Variants in DLGAP4 observed in about 807,000 individuals in gnomAD.
DLGAP4 encodes disks large-associated protein 4.
DLGAP4 carries 18 observed loss-of-function variants against 86.9 expected under a neutral mutation model. The ratio of observed to expected loss-of-function variants is 0.21; its 90% confidence interval spans 0.14 to 0.31. The LOEUF (loss-of-function observed/expected upper bound fraction) is 0.31. Among genes scored for constraint, DLGAP4 ranks in the 10% least tolerant of loss-of-function variants. The pLI is 1.00. For synonymous variants in DLGAP4, 548 were observed against 574.3 expected, an observed-to-expected ratio of 0.95 and a Z score of 0.65; for missense variants, 1,085 against 1,362.6, an observed-to-expected ratio of 0.80 and a Z score of 3.21.
At chr20:36,461,492 G>C (rs1431493882) in intron 7 of DLGAP4, 1 of 982,102 alleles carries the variant, frequency 1.0e-6, no homozygotes, top group Non-Finnish European at 1.2e-6. Flanking sequence ...CCTCGGGCCG[G>C]GCTGCGTGAG....
chr20:36,342,359 A>G (rs1488466646), intron 1 of DLGAP4, among the ~76,000 whole-genome samples: 2 of 152,202 alleles, frequency 1.3e-5, no homozygotes, highest in Admixed American at 1.3e-4. Context: ...TGGGGGCTGG[A>G]TAGACAGGGT....
chr20:36,361,632 G>A (rs149491771), intron 1 of DLGAP4, among the ~76,000 whole-genome samples: 84 of 152,214 alleles, frequency 5.5e-4, no homozygotes, highest in Non-Finnish European at 1.1e-3. Flanking sequence ...GCGACTCTGG[G>A]GGATCAAGGG....
At position 36,408,466 on chromosome 20, in the gene DLGAP4, TC is replaced by T. The variant is rs1291832104; in HGVS notation, c.-72-23178del. Among the ~76,000 whole-genome samples the T allele has an allele frequency of 2.0e-5, 3 of 152,194 alleles. No individual in the cohort carries two copies. The East Asian group carries it at 5.8e-4, about 29-fold the overall frequency. ...CCGCGGGCATCATCTCCCGGATATT[TC>T]CTGCTTGGCCCGTGTCCAAGCTGAG... On this transcript the variant is annotated intron_variant, in intron 2 of 12. Transcript: ENST00000339266.
intron 2 of DLGAP4, among the ~76,000 whole-genome samples, chr20:36,430,279 C>G (rs1196441902): frequency 6.6e-6 from 1 of 152,202 alleles, no homozygotes; most frequent in African/African-American, 2.4e-5. Context: ...TCTGAGAGCT[C>G]TATTCCAGGC....
In DLGAP4 at chr20:36,350,562, G is replaced by T. The variant is rs2030117245; in HGVS notation, c.-303-16483G>T. Among the ~76,000 whole-genome samples, 1 of 152,208 alleles carries T rather than the reference G, an allele frequency of 6.6e-6. No individual in the cohort carries two copies. Among genetic ancestry groups the T allele is most frequent in the South Asian group, 2.1e-4 (1 of 4,832 alleles). On this transcript the variant is annotated intron_variant, in intron 1 of 12. Coordinates refer to ENST00000339266, the MANE Select transcript of DLGAP4 (RefSeq NM_001365621.2). The surrounding 1 kb of genome is among the most constrained non-coding windows in gnomAD (Gnocchi z 4.4). ...GATAGTGTCCATCTGTCATTTCCCT[G>T]GGGTGAATCAGATGATACAATGGCT...
chr20:36,489,624 C>T (rs1250799709), intron 7 of DLGAP4, among the ~76,000 whole-genome samples: 3 of 151,912 alleles, frequency 2.0e-5, no homozygotes, highest in African/African-American at 7.3e-5. Context: ...TGATTGGATT[C>T]CTCAAATGGC....
chr20:36,439,943 A>G, intron 5 of DLGAP4, 75 bp downstream of exon 5: 1 of 1,323,324 alleles, frequency 7.6e-7, no homozygotes, highest in South Asian at 1.2e-5. Context: ...ACACACGCCC[A>G]GGCCCAGCCC....
In DLGAP4 at chr20:36,500,179, C is replaced by T. The variant is rs2036078073; in HGVS notation, c.2100-20C>T. The T allele has an allele frequency of 6.6e-7, 1 of 1,505,226 alleles. No homozygotes were observed. The highest frequency in any genetic ancestry group is 8.9e-7 in the Non-Finnish European group (1 of 1,122,404). 93.2% of individuals were successfully genotyped at this position (1,505,226 alleles called of 1,614,324 possible). A position where few individuals can be genotyped will look rare whatever the true frequency, so the allele number is the denominator to read the frequency against. ...GACTCACTCCTTCCTGTCCCCACCC[C>T]ATCCACCCCCTACCCACAGAAGCAG... On this transcript the variant is annotated intron_variant, in intron 9 of 12. Coordinates refer to ENST00000339266, the MANE Select transcript of DLGAP4 (RefSeq NM_001365621.2). The surrounding 1 kb of genome is among the most constrained non-coding windows in gnomAD (Gnocchi z 4.6).
chr20:36,417,786 G>T (rs1368507827), intron 2 of DLGAP4, among the ~76,000 whole-genome samples: 43 of 149,866 alleles, frequency 2.9e-4, no homozygotes, highest in Admixed American at 1.4e-3. Flanking sequence ...TTTTTTTTTT[G>T]TTGTTGTTGT....
chr20:36,390,184 C>T (rs151325079), intron 2 of DLGAP4, among the ~76,000 whole-genome samples: 14 of 152,364 alleles, frequency 9.2e-5, no homozygotes, highest in African/African-American at 3.1e-4. Context: ...CTGAGTAAGG[C>T]TCTGACCCCT....
At chr20:36,457,917 G>A (rs1326645954) in intron 7 of DLGAP4, among the ~76,000 whole-genome samples, 1 of 152,016 alleles carries the variant, frequency 6.6e-6, no homozygotes, top group East Asian at 1.9e-4. Flanking sequence ...ACAGGCATGA[G>A]CCACCACACC....
At chr20:36,386,629 G>C (rs564863382) in intron 2 of DLGAP4, among the ~76,000 whole-genome samples, 1 of 152,296 alleles carries the variant, frequency 6.6e-6, no homozygotes, top group African/African-American at 2.4e-5. Flanking sequence ...CTGTCATCCA[G>C]ACTAGAGTGC....
chr20:36,413,520 G>C (rs956874715), intron 2 of DLGAP4, among the ~76,000 whole-genome samples: 1 of 145,586 alleles, frequency 6.9e-6, no homozygotes, highest in Non-Finnish European at 1.5e-5. Flanking sequence ...TGGGTCAAGC[G>C]ATTCTTCTGC....
chr20:36,463,999 T>C (rs1436064091), intron 7 of DLGAP4, among the ~76,000 whole-genome samples: 1 of 152,248 alleles, frequency 6.6e-6, no homozygotes, highest in African/African-American at 2.4e-5. Context: ...ACTGTCATGC[T>C]GTTATCACCT....
intron 2 of DLGAP4, among the ~76,000 whole-genome samples, chr20:36,387,220 T>C (rs1370958696): frequency 6.6e-6 from 1 of 152,258 alleles, no homozygotes; most frequent in Non-Finnish European, 1.5e-5. Context: ...GCCAATCTGC[T>C]GGGAGAAAAT....
chr20:36,411,493 C>T (rs934563752), intron 2 of DLGAP4, among the ~76,000 whole-genome samples: 4 of 152,302 alleles, frequency 2.6e-5, no homozygotes, highest in Non-Finnish European at 4.4e-5. Flanking sequence ...CCGGTCTCCT[C>T]ATGGACAGCC....
At chr20:36,405,456 G>A (rs2032290274) in intron 2 of DLGAP4, among the ~76,000 whole-genome samples, 1 of 152,172 alleles carries the variant, frequency 6.6e-6, no homozygotes, top group African/African-American at 2.4e-5. Context: ...TAAGTATTAT[G>A]TACACATGCG....
rs902892568 is a variant in DLGAP4, at chr20:36,425,714, G to A, written c.-72-5932G>A. Among the ~76,000 whole-genome samples, 113 of 152,164 alleles carry A rather than the reference G, an allele frequency of 7.4e-4. 1 individual carries two copies. The highest frequency in any genetic ancestry group is 2.3e-3 in the African/African-American group (96 of 41,510). On this transcript the variant is annotated intron_variant, in intron 2 of 12. Coordinates refer to ENST00000339266, the MANE Select transcript of DLGAP4 (RefSeq NM_001365621.2). Reference sequence around the variant, plus strand: ...CGGGCACCTGTAATCCCAGCTACTCGGGTTGCTGAGGCAGGAGAATCACTT... The same window carrying A: ...CGGGCACCTGTAATCCCAGCTACTCAGGTTGCTGAGGCAGGAGAATCACTT...
At chr20:36,520,912 A>G (rs2037342094) in intron 10 of DLGAP4, among the ~76,000 whole-genome samples, 1 of 152,072 alleles carries the variant, frequency 6.6e-6, no homozygotes, top group Non-Finnish European at 1.5e-5. Context: ...GGCTCACTGC[A>G]ACCTCTGCCT....
Sources: allele counts gnomAD v4.1 joint callset (sites outside exome capture counted in the v4.1 genomes callset), GRCh38; gene constraint gnomAD v4.1.1; non-coding constraint Gnocchi (gnomAD v3.1); transcripts MANE v1.5; gene names NCBI Gene and HGNC (gene_info 2026-07-23, HGNC 2026-07-21).